Variants in PLXNA2 observed in about 807,000 individuals in gnomAD.
PLXNA2 encodes the protein plexin-A2.
PLXNA2 carries 91 observed loss-of-function variants against 193.5 expected under a neutral mutation model. The observed-to-expected ratio is 0.47, with a 90% CI of 0.40 to 0.56. The LOEUF (loss-of-function observed/expected upper bound fraction) is 0.56. Ranked by LOEUF, PLXNA2 falls within the 20% of genes least tolerant of loss-of-function variation. The probability of loss-of-function intolerance (pLI) is 0.00; values close to 1 mark genes in which losing one functional copy is unlikely to be tolerated. For synonymous variants in PLXNA2, 997 were observed against 1,027.3 expected, an observed-to-expected ratio of 0.97 and a Z score of 0.56; for missense variants, 1,995 against 2,503.2, an observed-to-expected ratio of 0.80 and a Z score of 4.33.
chr1:208,187,473 G>A (rs991483128), intron 3 of PLXNA2, among the ~76,000 whole-genome samples: 1 of 152,154 alleles, frequency 6.6e-6, no homozygotes, highest in Non-Finnish European at 1.5e-5. Context: ...CAACAAATGC[G>A]CTCCAAAGAA....
At chr1:208,220,195 C>T (rs986368750) in intron 1 of PLXNA2, among the ~76,000 whole-genome samples, 2 of 152,110 alleles carry the variant, frequency 1.3e-5, no homozygotes, top group African/African-American at 4.8e-5. Flanking sequence ...CACCTCCCTG[C>T]TTGGTATCCT....
At position 208,023,411 on chromosome 1, in the gene PLXNA2, A is replaced by G. The variant is rs1367255552; in HGVS notation, c.*3832T>C. ...CAAATGCTCCCTATTTGTTCTGCCC[A>G]GGCCATTCTTCGTCCAGCACTCATC... is the stretch of plus-strand genomic sequence containing the variant. On this transcript the variant is annotated 3_prime_UTR_variant, in exon 32 of 32. Coordinates refer to ENST00000367033, the MANE Select transcript of PLXNA2 (RefSeq NM_025179.4). The G allele has an allele frequency of 6.5e-6, 1 of 152,766 alleles. No homozygotes were observed. Among genetic ancestry groups the G allele is most frequent in the Non-Finnish European group, 1.5e-5 (1 of 68,128 alleles). 9.5% of individuals were successfully genotyped at this position (152,766 alleles called of 1,614,324 possible).
At chr1:208,227,794 C>T (rs1382961901) in intron 1 of PLXNA2, among the ~76,000 whole-genome samples, 1 of 152,154 alleles carries the variant, frequency 6.6e-6, no homozygotes, top group African/African-American at 2.4e-5. Context: ...TGTCTCTCAT[C>T]CAGTCTTCAC....
intron 1 of PLXNA2, among the ~76,000 whole-genome samples, chr1:208,230,745 T>A (rs116584485): frequency 9.2e-4 from 140 of 152,342 alleles, no homozygotes; most frequent in Non-Finnish European, 1.7e-3. Flanking sequence ...GCAGGCTATG[T>A]CCCCACCCTG....
chr1:208,027,672 C>A lies in PLXNA2; in HGVS notation c.5590-334G>T, dbSNP rs576187723. On this transcript the variant is annotated intron_variant, in intron 31 of 31. Transcript: ENST00000367033. ...CAATCTCTATTCATATTAGGGTCCA[C>A]CTGTCTATCTGAAATGTAACTGACA... 1.2e-4 allele frequency among the ~76,000 whole-genome samples: 19 copies of A among 152,312 alleles called. No homozygotes were observed. The South Asian group carries it at 3.5e-3, about 28-fold the overall frequency.
At chr1:208,172,347 A>G (rs1255003239) in intron 3 of PLXNA2, among the ~76,000 whole-genome samples, 4 of 151,902 alleles carry the variant, frequency 2.6e-5, no homozygotes, top group Admixed American at 2.6e-4. Flanking sequence ...TGCTTTGTAA[A>G]AAGTGTGTTC....
chr1:208,200,803 G>T (rs933139665), intron 3 of PLXNA2, among the ~76,000 whole-genome samples: 1 of 151,480 alleles, frequency 6.6e-6, no homozygotes, highest in Non-Finnish European at 1.5e-5. Flanking sequence ...ACGGAGTTTC[G>T]CCATGTTGGC....
intron 1 of PLXNA2, among the ~76,000 whole-genome samples, chr1:208,239,555 T>A (rs1671979271): frequency 6.6e-6 from 1 of 152,224 alleles, no homozygotes; most frequent in Admixed American, 6.5e-5. Context: ...TTGTTAGGAA[T>A]GCCTTGGTCA....
At chr1:208,107,683 G>A (rs553935393) in intron 4 of PLXNA2, among the ~76,000 whole-genome samples, 13 of 152,228 alleles carry the variant, frequency 8.5e-5, no homozygotes, top group South Asian at 8.3e-4. Flanking sequence ...AGAGTTTAAC[G>A]GGACACTCTA....
At chr1:208,212,299 T>C (rs1670988074) in intron 2 of PLXNA2, among the ~76,000 whole-genome samples, 1 of 152,204 alleles carries the variant, frequency 6.6e-6, no homozygotes, top group Non-Finnish European at 1.5e-5. Context: ...GGACTTCCGT[T>C]CCTTTCTCTT....
intron 3 of PLXNA2, among the ~76,000 whole-genome samples, chr1:208,178,125 A>G (rs56382313): frequency 0.36 from 54,682 of 151,586 alleles, 9,992 homozygotes; most frequent in Middle Eastern, 0.41. Flanking sequence ...TTTCCTCTTT[A>G]TCCTACCGAG....
intron 3 of PLXNA2, among the ~76,000 whole-genome samples, chr1:208,170,569 T>C (rs532837188): frequency 6.6e-6 from 1 of 152,292 alleles, no homozygotes; most frequent in Middle Eastern, 3.4e-3. Flanking sequence ...TGTGGGCATG[T>C]TCATAAGGGG....
intron 3 of PLXNA2, among the ~76,000 whole-genome samples, chr1:208,148,788 C>T (rs1668671819): frequency 6.6e-6 from 1 of 152,206 alleles, no homozygotes; most frequent in South Asian, 2.1e-4. Flanking sequence ...GGCGGAGCAG[C>T]ATCTCACCTG....
chr1:208,084,380 C>T lies in PLXNA2; in HGVS notation c.2298G>A (p.Ser766=), dbSNP rs770410448. 1.9e-6 allele frequency: 3 copies of T among 1,614,120 alleles called. No homozygotes were observed. Among genetic ancestry groups the T allele is most frequent in the South Asian group, 1.1e-5 (1 of 91,082 alleles). The change falls in exon 10 of 32, where the codon TCG becomes TCA. Residue 766 remains serine (S), a splice_region_variant and synonymous_variant. Coordinates refer to ENST00000367033, the MANE Select transcript of PLXNA2 (RefSeq NM_025179.4). ...NSSSVQCQNS[S]YQYDGMDISN... is the part of the protein sequence containing the mutation. ...CAGGGCCCAGCCTGCGTTTTCTTACCGAGCTGTTCTGACACTGAACGCTGG... is the reference window on the plus strand; with the variant it reads ...CAGGGCCCAGCCTGCGTTTTCTTACTGAGCTGTTCTGACACTGAACGCTGG...
intron 1 of PLXNA2, among the ~76,000 whole-genome samples, chr1:208,237,660 T>C (rs1424135401): frequency 2.0e-5 from 3 of 152,132 alleles, no homozygotes; most frequent in Non-Finnish European, 4.4e-5. Flanking sequence ...AACTGTGAAG[T>C]TCTCCAGCAC....
intron 1 of PLXNA2, among the ~76,000 whole-genome samples, chr1:208,228,591 C>T (rs1031583558): frequency 6.6e-6 from 1 of 152,140 alleles, no homozygotes; most frequent in Non-Finnish European, 1.5e-5. Flanking sequence ...GTGAAATTCA[C>T]CTATGGAAAC....
chr1:208,032,139 T>C, intron 28 of PLXNA2: 1 of 985,288 alleles, frequency 1.0e-6, no homozygotes, highest in Non-Finnish European at 1.2e-6. Context: ...GAGGACTGGG[T>C]GCCTCCTGGC....
At chr1:208,085,377 G>A (rs1333036723) in intron 9 of PLXNA2, among the ~76,000 whole-genome samples, 1 of 152,184 alleles carries the variant, frequency 6.6e-6, no homozygotes, top group African/African-American at 2.4e-5. Context: ...ACCTCCACAG[G>A]GAATCACTAG....
At chr1:208,076,192 C>T (rs184327343) in intron 12 of PLXNA2, among the ~76,000 whole-genome samples, 2 of 152,078 alleles carry the variant, frequency 1.3e-5, no homozygotes, top group East Asian at 3.9e-4. Context: ...CCCAGTCTCC[C>T]GAGTAGCTAG....
Sources: gnomAD v4.1 joint callset for allele counts (sites outside exome capture counted in the v4.1 genomes callset) on GRCh38, gnomAD v4.1.1 for gene constraint, MANE v1.5 for transcripts, NCBI Gene and HGNC (gene_info 2026-07-23, HGNC 2026-07-21) for gene names.